DNAAF4: variants seen among roughly 807,000 people sequenced by gnomAD.
DNAAF4 encodes dynein assembly factor 4, axonemal.
In DNAAF4, 43 loss-of-function variants were observed where a neutral mutation model predicts 51.8. The observed-to-expected ratio is 0.83, with a 90% CI of 0.65 to 1.07. The LOEUF is 1.07. Among genes scored for constraint, DNAAF4 ranks in the 50% least tolerant of loss-of-function variants. The probability of loss-of-function intolerance (pLI) is 0.00; values close to 1 mark genes in which losing one functional copy is unlikely to be tolerated. For synonymous variants in DNAAF4, 194 were observed against 165.6 expected (o/e 1.17, Z -1.32); for missense variants, 581 against 493.0 (o/e 1.18, Z -1.69).
chr15:55,496,881 C>T (rs2058647877), intron 3 of DNAAF4, among the ~76,000 whole-genome samples: 1 of 152,140 alleles, frequency 6.6e-6, no homozygotes, highest in Non-Finnish European at 1.5e-5. Context: ...CAGAACTCCT[C>T]TTATCTGCCT....
intron 9 of DNAAF4, among the ~76,000 whole-genome samples, chr15:55,431,813 C>T (rs1401124469): frequency 6.6e-6 from 1 of 151,708 alleles, no homozygotes; most frequent in African/African-American, 2.4e-5. Context: ...GACAGGGTCT[C>T]ACTATGTTGC....
At chr15:55,494,387 C>G (rs910930726) in intron 3 of DNAAF4, among the ~76,000 whole-genome samples, 5 of 151,998 alleles carry the variant, frequency 3.3e-5, no homozygotes, top group Non-Finnish European at 7.4e-5. Flanking sequence ...AATCAATGTT[C>G]ATTGTGATAT....
chr15:55,491,067 C>T (rs2058564755), intron 4 of DNAAF4, 56 bp downstream of exon 4: 30 of 1,597,098 alleles, frequency 1.9e-5, no homozygotes, highest in Non-Finnish European at 2.4e-5. Context: ...ACTCACTATC[C>T]TCACATAGTC....
chr15:55,492,466 G>C (rs2058588084), intron 3 of DNAAF4, among the ~76,000 whole-genome samples: 1 of 151,820 alleles, frequency 6.6e-6, no homozygotes, highest in African/African-American at 2.4e-5. Flanking sequence ...TAAAATGTAT[G>C]AAATAAAATA....
chr15:55,463,512 G>A (rs1373430592), intron 5 of DNAAF4, among the ~76,000 whole-genome samples: 1 of 152,080 alleles, frequency 6.6e-6, no homozygotes, highest in Non-Finnish European at 1.5e-5. Flanking sequence ...GTTGGCCAAT[G>A]ATATGATCGT....
In DNAAF4 at chr15:55,503,765, G is replaced by C. The variant is rs556745784; in HGVS notation, c.-256+4357C>G. ...ACTCTCAATAAACTAGGTATTGTTG[G>C]AACGTATCTCAAAATAATAAGAGCT... On this transcript the variant is annotated intron_variant, in intron 1 of 9. Coordinates refer to ENST00000321149, the MANE Select transcript of DNAAF4 (RefSeq NM_130810.4). Among the ~76,000 whole-genome samples, 18 of 152,230 alleles carry C rather than the reference G, an allele frequency of 1.2e-4. No homozygotes were observed. The South Asian group carries it at 3.1e-3, about 26-fold the overall frequency.
chr15:55,461,381 C>A (rs1268845438), intron 5 of DNAAF4, among the ~76,000 whole-genome samples: 1 of 152,064 alleles, frequency 6.6e-6, no homozygotes, highest in Non-Finnish European at 1.5e-5. Flanking sequence ...CAGGTGTGAG[C>A]CACCACGCCC....
chr15:55,503,169 A>G (rs2058708574), intron 1 of DNAAF4, among the ~76,000 whole-genome samples: 1 of 152,222 alleles, frequency 6.6e-6, no homozygotes, highest in Non-Finnish European at 1.5e-5. Flanking sequence ...AAACTAGAAA[A>G]TCTAGAAGAA....
Position 55,439,462 on chromosome 15 carries a change from A to T in DNAAF4, c.893+10T>A. 2.5e-6 allele frequency: 4 copies of T among 1,607,538 alleles called. No individual in the cohort carries two copies. Among genetic ancestry groups the T allele is most frequent in the Non-Finnish European group, 3.4e-6 (4 of 1,174,366 alleles). ...TGATAAAGCTCATGATCAGAGTTCA[A>T]ACAACTTACTTTCCTTTATCCTTCA... On this transcript the variant is annotated intron_variant, in intron 7 of 9. Transcript: ENST00000321149.
At chr15:55,488,450 T>C (rs2058523346) in intron 4 of DNAAF4, among the ~76,000 whole-genome samples, 1 of 152,240 alleles carries the variant, frequency 6.6e-6, no homozygotes. Context: ...CAAAGTTCTT[T>C]TCTTAACAGT....
intron 7 of DNAAF4, among the ~76,000 whole-genome samples, chr15:55,423,923 C>A (rs1422098822): frequency 6.6e-6 from 1 of 152,184 alleles, no homozygotes; most frequent in African/African-American, 2.4e-5. Flanking sequence ...AAAGCCATCT[C>A]TACTAAAAAT....
chr15:55,436,154 C>T (rs902929324), intron 7 of DNAAF4, among the ~76,000 whole-genome samples: 1 of 152,154 alleles, frequency 6.6e-6, no homozygotes, highest in African/African-American at 2.4e-5. Flanking sequence ...AACACCTCTA[C>T]CAACAGTGCA....
intron 8 of DNAAF4, among the ~76,000 whole-genome samples, chr15:55,433,203 G>C (rs1232461297): frequency 2.0e-5 from 3 of 152,176 alleles, no homozygotes; most frequent in African/African-American, 7.2e-5. Context: ...AGGAGGCTGA[G>C]GCAGGAGAAT....
Position 55,499,456 on chromosome 15 carries a change from G to C in DNAAF4, c.-255-872C>G, listed in dbSNP as rs569729135. On this transcript the variant is annotated intron_variant, in intron 1 of 9. Transcript: ENST00000321149. ...ACCCAAACCCTCCCTTTGTTCTCTG[G>C]AATGCACCTTTGTTTTACACCTAAG... 2.6e-5 allele frequency among the ~76,000 whole-genome samples: 4 copies of C among 152,148 alleles called. No individual in the cohort carries two copies. In the South Asian group the frequency reaches 8.3e-4, roughly 32 times the overall value.
chr15:55,433,757 T>TAAATATATATAATTGTTTTTATAAAAC (rs1370580377), intron 8 of DNAAF4, among the ~76,000 whole-genome samples: 94 of 120,794 alleles, frequency 7.8e-4, no homozygotes, highest in African/African-American at 2.7e-3. Flanking sequence ...TTTTTATATA[T>TAAATATATATAATTGTTTTTATAAAAC]AAATATATAT....
intron 1 of DNAAF4, among the ~76,000 whole-genome samples, chr15:55,501,376 CTTTTTT>C (rs1192104530): frequency 9.6e-6 from 1 of 104,516 alleles, no homozygotes. Flanking sequence ...TTCTTTCTTT[CTTTTTT>C]TTTTTTTTTT....
At chr15:55,446,302 G>C (rs1161010465) in intron 6 of DNAAF4, among the ~76,000 whole-genome samples, 1 of 113,140 alleles carries the variant, frequency 8.8e-6, no homozygotes, top group Non-Finnish European at 1.9e-5. Context: ...CAGACGGGGG[G>C]GGGGGGCAGC....
chr15:55,425,585 T>G (rs1228745781), downstream of DNAAF4, among the ~76,000 whole-genome samples: 1 of 152,166 alleles, frequency 6.6e-6, no homozygotes, highest in Non-Finnish European at 1.5e-5. Context: ...AAAAGCATTT[T>G]TTTTTTCACT....
At position 55,497,695 on chromosome 15, in the gene DNAAF4, T is replaced by C. The variant is rs777274531; in HGVS notation, c.271+17A>G. On this transcript the variant is annotated intron_variant, in intron 3 of 9. Transcript: ENST00000321149. ...AAAAGGTACAACCAGATGAACATCT[T>C]TTAATAAAGAACTTACCACCCGTCA... 1.9e-6 allele frequency: 3 copies of C among 1,589,564 alleles called. No homozygotes were observed. The South Asian group carries it at 3.5e-5, about 18-fold the overall frequency.
Sources: gnomAD v4.1 joint callset for allele counts (sites outside exome capture counted in the v4.1 genomes callset) on GRCh38, gnomAD v4.1.1 for gene constraint, MANE v1.5 for transcripts, NCBI Gene and HGNC (gene_info 2026-07-23, HGNC 2026-07-21) for gene names.